The following NIBAN1 variants were observed in gnomAD, a reference collection of about 807,000 sequenced individuals.
NIBAN1 encodes protein Niban 1.
In NIBAN1, 81 loss-of-function variants were observed where a neutral mutation model predicts 75.1. That is an observed-to-expected ratio of 1.08 (90% confidence interval 0.90 to 1.30). The LOEUF (loss-of-function observed/expected upper bound fraction) is 1.30. Among genes scored for constraint, NIBAN1 ranks in the 50% most tolerant of loss-of-function variants. NIBAN1 has a pLI of 0.00. For synonymous variants in NIBAN1, 436 were observed against 424.8 expected, an observed-to-expected ratio of 1.03 and a Z score of -0.32; for missense variants, 1,133 against 1,128.1, an observed-to-expected ratio of 1.00 and a Z score of -0.06.
intron 5 of NIBAN1, chr1:184,868,639 C>G (rs909692624): frequency 6.6e-6 from 1 of 152,220 alleles, no homozygotes; most frequent in Admixed American, 6.5e-5. Flanking sequence ...GCTCATGTCC[C>G]TCTCAAGTAG....
intron 5 of NIBAN1, among the ~76,000 whole-genome samples, chr1:184,843,392 C>T (rs1655349062): frequency 6.6e-6 from 1 of 151,996 alleles, no homozygotes; most frequent in Non-Finnish European, 1.5e-5. Flanking sequence ...ATGAAAATGA[C>T]CCACACTCCA....
chr1:184,902,694 T>C (rs1656983897), intron 1 of NIBAN1, among the ~76,000 whole-genome samples: 1 of 152,068 alleles, frequency 6.6e-6, no homozygotes, highest in Non-Finnish European at 1.5e-5. Flanking sequence ...TTCACAAAGG[T>C]TCAGCATAGA....
At chr1:184,897,244 G>T (rs757074456) in intron 2 of NIBAN1, among the ~76,000 whole-genome samples, 4 of 149,978 alleles carry the variant, frequency 2.7e-5, no homozygotes, top group Non-Finnish European at 4.4e-5. Context: ...TCCTTGTAGA[G>T]ATCTTTCATC....
Position 184,884,410 on chromosome 1 carries a change from A to T in NIBAN1, c.601+223T>A, listed in dbSNP as rs1048087696. Among the ~76,000 whole-genome samples, 68 of 151,958 alleles carry T rather than the reference A, an allele frequency of 4.5e-4. 2 individuals are homozygous for T. The highest frequency in any genetic ancestry group is 1.8e-4 in the Non-Finnish European group (12 of 67,952). On this transcript the variant is annotated intron_variant, in intron 5 of 13. Transcript: ENST00000367511. ...AGCTATATTTTTTTGTATTTTTAGTAGAGATGGGATTTCACCATATTGGTC... is the reference window on the plus strand; with the variant it reads ...AGCTATATTTTTTTGTATTTTTAGTTGAGATGGGATTTCACCATATTGGTC...
At chr1:184,936,075 T>C (rs114556669) in intron 1 of NIBAN1, among the ~76,000 whole-genome samples, 397 of 150,920 alleles carry the variant, frequency 2.6e-3, no homozygotes, top group African/African-American at 8.7e-3. Context: ...TTTACACTTA[T>C]GCTAAACTAA....
chr1:184,806,101 G>T (rs1163353895), intron 10 of NIBAN1, 45 bp from the exon 11 acceptor site: 7 of 1,524,284 alleles, frequency 4.6e-6, no homozygotes, highest in Non-Finnish European at 6.4e-6. Context: ...GTCAGGGGCT[G>T]GGATCACCAC....
At chr1:184,861,879 G>A (rs551096115) in intron 5 of NIBAN1, among the ~76,000 whole-genome samples, 4 of 152,138 alleles carry the variant, frequency 2.6e-5, no homozygotes, top group Non-Finnish European at 5.9e-5. Flanking sequence ...TCTGTGTTCT[G>A]AAGTGGAATT....
intron 1 of NIBAN1, among the ~76,000 whole-genome samples, chr1:184,925,497 C>T (rs1292808871): frequency 6.6e-6 from 1 of 151,970 alleles, no homozygotes; most frequent in African/African-American, 2.4e-5. Flanking sequence ...TTCTTTTCTG[C>T]CTTCCTGCCA....
chr1:184,818,504 TGAATGGAGGGAAGGGCAGAA>T, intron 9 of NIBAN1, 114 bp downstream of exon 9: 1 of 835,700 alleles, frequency 1.2e-6, no homozygotes, highest in Non-Finnish European at 1.8e-6. Context: ...AAAGGCTGGA[TGAATGGAGGGAAGGGCAGAA>T]GAATGGAAGG....
chr1:184,887,803 C>T lies in NIBAN1; in HGVS notation c.433+2305G>A, dbSNP rs540273004. The T allele has an allele frequency of 2.6e-5, 4 of 152,250 alleles. No homozygotes were observed. The East Asian group carries it at 7.7e-4, about 29-fold the overall frequency. The allele number at this position is 152,250 out of a possible 1,614,324, so 9.4% of individuals were successfully genotyped here. ...AATGAGATTCTAACCAGTAAAATGC[C>T]AAACAAGTGAATTACTTTAACAAAA... On this transcript the variant is annotated intron_variant, in intron 4 of 13. Coordinates refer to ENST00000367511, the MANE Select transcript of NIBAN1 (RefSeq NM_052966.4).
chr1:184,801,943 C>G (rs1654057254), intron 12 of NIBAN1, among the ~76,000 whole-genome samples: 1 of 152,124 alleles, frequency 6.6e-6, no homozygotes, highest in Admixed American at 6.5e-5. Context: ...CTTCCCTGGG[C>G]CAATTAATTT....
chr1:184,838,472 T>C (rs1489987601), intron 5 of NIBAN1, among the ~76,000 whole-genome samples: 1 of 152,162 alleles, frequency 6.6e-6, no homozygotes, highest in Non-Finnish European at 1.5e-5. Flanking sequence ...ATTTTGGCCA[T>C]TCATTCAACA....
intron 12 of NIBAN1, among the ~76,000 whole-genome samples, chr1:184,798,745 C>G (rs757772304): frequency 1.3e-5 from 2 of 152,054 alleles, no homozygotes; most frequent in Admixed American, 1.3e-4. Context: ...TCCATCACCC[C>G]CAAAGTTCCC....
At chr1:184,838,730 A>C (rs536181623) in intron 5 of NIBAN1, among the ~76,000 whole-genome samples, 2 of 152,204 alleles carry the variant, frequency 1.3e-5, no homozygotes, top group East Asian at 3.9e-4. Flanking sequence ...TGAAACACCA[A>C]AGCTCCAAGG....
chr1:184,799,556 C>G (rs1339078436), intron 12 of NIBAN1, among the ~76,000 whole-genome samples: 2 of 142,774 alleles, frequency 1.4e-5, no homozygotes, highest in Non-Finnish European at 3.0e-5. Context: ...GGGTATATAC[C>G]CAGTAATGGG....
In NIBAN1 at chr1:184,871,788, C is replaced by T. The variant is rs149202672; in HGVS notation, c.601+12845G>A. The stretch of plus-strand genomic sequence containing the variant: ...ATTGCAGAAACCACCCACATACACA[C>T]GGTCTTAGCCCATTCTAAGGAAAAT... On this transcript the variant is annotated intron_variant, in intron 5 of 13. Coordinates refer to ENST00000367511, the MANE Select transcript of NIBAN1 (RefSeq NM_052966.4). Among the ~76,000 whole-genome samples, 357 of 152,282 alleles carry T rather than the reference C, an allele frequency of 2.3e-3. 3 individuals are homozygous for T. The highest frequency in any genetic ancestry group is 8.2e-3 in the African/African-American group (339 of 41,556).
chr1:184,894,203 G>A lies in NIBAN1; in HGVS notation c.190C>T (p.Pro64Ser), dbSNP rs760625360. The A allele has an allele frequency of 3.1e-6, 5 of 1,598,116 alleles. No homozygotes were observed. Among genetic ancestry groups the A allele is most frequent in the Non-Finnish European group, 4.3e-6 (5 of 1,174,706 alleles). The change falls in exon 3 of 14, where the codon CCA (proline) becomes TCA (serine). Residue 64 changes from proline to serine, a missense_variant. Physicochemically the swap from Pro to Ser is moderately conservative, Grantham distance 74. Coordinates refer to ENST00000367511, the MANE Select transcript of NIBAN1 (RefSeq NM_052966.4). ...LTSQFLKTKP[P>S]LAPGTILYEA... ...TACAAAATAGTTCCAGGCGCCAATG[G>A]TGGCTTAAAGAAGATGAATACAATT... is the stretch of plus-strand genomic sequence containing the variant.
At chr1:184,831,451 AT>A (rs1654997313) in intron 6 of NIBAN1, among the ~76,000 whole-genome samples, 1 of 152,216 alleles carries the variant, frequency 6.6e-6, no homozygotes, top group Non-Finnish European at 1.5e-5. Context: ...AAGAGGTTAA[AT>A]AAGTTGGCAT....
chr1:184,965,756 T>G (rs1184327650), intron 1 of NIBAN1, among the ~76,000 whole-genome samples: 1 of 152,142 alleles, frequency 6.6e-6, no homozygotes, highest in Non-Finnish European at 1.5e-5. Flanking sequence ...CGGCGCTTCG[T>G]TTCCCTATGT....
Sources: gnomAD v4.1 joint callset for allele counts (sites outside exome capture counted in the v4.1 genomes callset) on GRCh38, gnomAD v4.1.1 for gene constraint, MANE v1.5 for transcripts, NCBI Gene and HGNC (gene_info 2026-07-23, HGNC 2026-07-21) for gene names.